The following DPP10 variants were observed in gnomAD, a reference collection of about 807,000 sequenced individuals.
DPP10 encodes the protein inactive dipeptidyl peptidase 10.
In DPP10, 33 loss-of-function variants were observed where a neutral mutation model predicts 120.9. That is an observed-to-expected ratio of 0.27 (90% CI 0.21 to 0.37). The LOEUF is 0.37. Among genes scored for constraint, DPP10 ranks in the 10% least tolerant of loss-of-function variants. DPP10 has a pLI of 1.00. For synonymous variants in DPP10, 337 were observed against 326.1 expected (o/e 1.03, Z -0.36); for missense variants, 816 against 942.8 (o/e 0.87, Z 1.76).
intron 1 of DPP10, among the ~76,000 whole-genome samples, chr2:114,471,323 G>A (rs1392022392): frequency 3.9e-5 from 6 of 152,156 alleles, no homozygotes; most frequent in African/African-American, 1.4e-4. Flanking sequence ...GCAAAGTCAA[G>A]AGACCATTTG....
intron 5 of DPP10, among the ~76,000 whole-genome samples, chr2:115,645,899 G>A (rs2087202948): frequency 6.6e-6 from 1 of 152,048 alleles, no homozygotes; most frequent in Admixed American, 6.6e-5. Context: ...ATGATGACGA[G>A]GTAACAATTA....
intron 1 of DPP10, among the ~76,000 whole-genome samples, chr2:115,214,513 TC>T (rs2105370682): frequency 1.3e-5 from 2 of 152,320 alleles, no homozygotes; most frequent in East Asian, 3.9e-4. Flanking sequence ...TAATTGTACT[TC>T]AGCCGATGTT....
At chr2:115,562,570 T>G (rs1342728251) in intron 5 of DPP10, among the ~76,000 whole-genome samples, 1 of 152,198 alleles carries the variant, frequency 6.6e-6, no homozygotes, top group Middle Eastern at 3.2e-3. Context: ...CTCCTCCTAT[T>G]ATAATAAACA....
At position 114,802,525 on chromosome 2, in the gene DPP10, T is replaced by A. The variant is rs77829399; in HGVS notation, c.60+359687T>A. 8.6e-5 allele frequency among the ~76,000 whole-genome samples: 13 copies of A among 151,502 alleles called. No individual in the cohort carries two copies. In the East Asian group the frequency reaches 1.9e-3, roughly 23 times the overall value. ...TATGATCTGGAATAACCCACAGACA[T>A]TTAGAAGTCTAATGGCCAGAACGAA... On this transcript the variant is annotated intron_variant, in intron 1 of 25. Transcript: ENST00000410059.
intron 1 of DPP10, among the ~76,000 whole-genome samples, chr2:114,921,662 C>T (rs1695204285): frequency 6.6e-6 from 1 of 152,154 alleles, no homozygotes; most frequent in Non-Finnish European, 1.5e-5. Flanking sequence ...GCTACTTATG[C>T]TCTATTTCTT....
At chr2:115,452,701 GC>G (rs1182236216) in intron 3 of DPP10, among the ~76,000 whole-genome samples, 2 of 151,622 alleles carry the variant, frequency 1.3e-5, no homozygotes, top group African/African-American at 4.8e-5. Context: ...TATGGGAGTG[GC>G]CCCTGTAAGT....
At chr2:114,661,960 C>A (rs574332549) in intron 1 of DPP10, among the ~76,000 whole-genome samples, 1 of 151,536 alleles carries the variant, frequency 6.6e-6, no homozygotes, top group African/African-American at 2.4e-5. Flanking sequence ...TCTCCGGGAT[C>A]GCGCCGTTGC....
chr2:115,623,767 G>A (rs538540940), intron 5 of DPP10, among the ~76,000 whole-genome samples: 6 of 152,068 alleles, frequency 3.9e-5, no homozygotes, highest in Non-Finnish European at 5.9e-5. Flanking sequence ...AGCCTTTACC[G>A]TATGAAATAT....
chr2:115,389,067 T>C lies in DPP10; in HGVS notation c.271+45155T>C, dbSNP rs930555697. Among the ~76,000 whole-genome samples, 9 of 152,210 alleles carry C rather than the reference T, an allele frequency of 5.9e-5. No homozygotes were observed. In the East Asian group the frequency reaches 1.7e-3, roughly 29 times the overall value. Reference sequence around the variant, plus strand: ...CTTTACCAAATCATATGACTGATATTGAACTATTCTTTTCTCCTTTGCTGC... The same window carrying C: ...CTTTACCAAATCATATGACTGATATCGAACTATTCTTTTCTCCTTTGCTGC... On this transcript the variant is annotated intron_variant, in intron 3 of 25. Coordinates refer to ENST00000410059, the MANE Select transcript of DPP10 (RefSeq NM_020868.6).
intron 21 of DPP10, among the ~76,000 whole-genome samples, chr2:115,830,947 C>G (rs1028433362): frequency 1.1e-4 from 17 of 152,174 alleles, no homozygotes; most frequent in Admixed American, 3.3e-4. Context: ...GTGTTTGAGT[C>G]CAGCTTGAGT....
intron 13 of DPP10, among the ~76,000 whole-genome samples, chr2:115,776,967 T>G (rs1457864607): frequency 6.6e-6 from 1 of 152,080 alleles, no homozygotes; most frequent in Non-Finnish European, 1.5e-5. Flanking sequence ...TATACTTGAT[T>G]CACCCTCACC....
intron 1 of DPP10, among the ~76,000 whole-genome samples, chr2:114,565,616 G>A (rs1006217146): frequency 1.3e-5 from 2 of 152,242 alleles, no homozygotes; most frequent in African/African-American, 4.8e-5. Flanking sequence ...GGAAACTGGG[G>A]TGAGGCACAC....
At chr2:114,643,210 T>C (rs1487661022) in intron 1 of DPP10, among the ~76,000 whole-genome samples, 1 of 151,920 alleles carries the variant, frequency 6.6e-6, no homozygotes, top group Non-Finnish European at 1.5e-5. Context: ...TCTAAGATCT[T>C]TAATCCTCAC....
intron 1 of DPP10, among the ~76,000 whole-genome samples, chr2:114,910,306 T>C (rs1312034308): frequency 6.6e-6 from 1 of 151,962 alleles, no homozygotes; most frequent in African/African-American, 2.4e-5. Flanking sequence ...TTTAAGGAAA[T>C]GTGCCAGGAG....
At chr2:114,961,448 C>CAT (rs1273187385) in intron 1 of DPP10, among the ~76,000 whole-genome samples, 3 of 150,260 alleles carry the variant, frequency 2.0e-5, no homozygotes, top group East Asian at 3.9e-4. Flanking sequence ...TGTTTGAATG[C>CAT]GTGTGTGTGT....
chr2:115,012,333 A>G (rs1314073785), intron 1 of DPP10, among the ~76,000 whole-genome samples: 2 of 152,106 alleles, frequency 1.3e-5, no homozygotes, highest in Non-Finnish European at 2.9e-5. Context: ...GACCACAGAT[A>G]ATGGGCTCTT....
chr2:114,617,962 C>T (rs115316493), intron 1 of DPP10, among the ~76,000 whole-genome samples: 2,117 of 152,070 alleles, frequency 0.014, 50 homozygotes, highest in African/African-American at 0.047. Flanking sequence ...CAGAGATCAC[C>T]CACCACCACT....
intron 1 of DPP10, among the ~76,000 whole-genome samples, chr2:114,920,760 C>A (rs1695142684): frequency 6.6e-6 from 1 of 152,136 alleles, no homozygotes; most frequent in Non-Finnish European, 1.5e-5. Context: ...TGTGGCTAAT[C>A]ATGGTTTTTC....
Position 115,253,020 on chromosome 2 carries a change from G to A in DPP10, c.61-56219G>A, listed in dbSNP as rs190009114. Among the ~76,000 whole-genome samples the A allele has an allele frequency of 3.3e-5, 5 of 152,328 alleles. No homozygotes were observed. In the East Asian group the frequency reaches 9.7e-4, roughly 29 times the overall value. ...TATCTGAGACTGGGTAATTTATGAAGAAAAGAGGTTTAACTGGCTCTGTAA... is the reference window on the plus strand; with the variant it reads ...TATCTGAGACTGGGTAATTTATGAAAAAAAGAGGTTTAACTGGCTCTGTAA... On this transcript the variant is annotated intron_variant, in intron 1 of 25. Transcript: ENST00000410059.
Sources: allele counts gnomAD v4.1 joint callset (sites outside exome capture counted in the v4.1 genomes callset), GRCh38; gene constraint gnomAD v4.1.1; transcripts MANE v1.5; gene names NCBI Gene and HGNC (gene_info 2026-07-23, HGNC 2026-07-21).